NXPH2: variants seen among roughly 807,000 people sequenced by gnomAD.
NXPH2 encodes neurexophilin 2.
Under a neutral mutation model 19.8 loss-of-function variants are expected in NXPH2, and 5 were observed. The observed-to-expected ratio is 0.25, with a 90% CI of 0.13 to 0.53. NXPH2 has a LOEUF of 0.53. NXPH2 is among the 20% of genes least tolerant of loss of function. The pLI is 0.96. For synonymous variants in NXPH2, 154 were observed against 127.4 expected, an observed-to-expected ratio of 1.21 and a Z score of -1.41; for missense variants, 289 against 322.8, an observed-to-expected ratio of 0.90 and a Z score of 0.80.
intron 1 of NXPH2, among the ~76,000 whole-genome samples, chr2:138,688,003 G>A (rs997626120): frequency 6.6e-6 from 1 of 152,182 alleles, no homozygotes; most frequent in Middle Eastern, 3.2e-3. Flanking sequence ...TTTGGCTTAG[G>A]ATTGACTTGG....
intron 1 of NXPH2, among the ~76,000 whole-genome samples, chr2:138,699,645 G>T (rs6734922): frequency 0.25 from 37,442 of 151,948 alleles, 5,293 homozygotes; most frequent in East Asian, 0.53. Flanking sequence ...AGTGAGGGCA[G>T]GCCTTGCTGG....
rs150951009 is a variant in NXPH2 at position 138,714,121 on chromosome 2, T to C, written c.52-42456A>G. 3.8e-3 allele frequency among the ~76,000 whole-genome samples: 572 copies of C among 152,256 alleles called. 4 individuals are homozygous for C. The highest frequency in any genetic ancestry group is 0.013 in the African/African-American group (546 of 41,544). On this transcript the variant is annotated intron_variant, in intron 1 of 1. Coordinates refer to ENST00000272641, the MANE Select transcript of NXPH2 (RefSeq NM_007226.3). ...AAATAGCCCATTTGTATGGTTATTA[T>C]TGGTTATTTCAGTTCTCAAAATTCA... is the stretch of plus-strand genomic sequence containing the variant.
chr2:138,737,990 A>T (rs1237950413), intron 1 of NXPH2, among the ~76,000 whole-genome samples: 1 of 151,676 alleles, frequency 6.6e-6, no homozygotes, highest in Non-Finnish European at 1.5e-5. Flanking sequence ...ATATGTATAC[A>T]TGTGCCATGT....
At chr2:138,738,177 A>T (rs1278825370) in intron 1 of NXPH2, among the ~76,000 whole-genome samples, 2 of 151,562 alleles carry the variant, frequency 1.3e-5, no homozygotes, top group East Asian at 3.9e-4. Flanking sequence ...ACGTAGAAAC[A>T]GTCTAGTGTA....
At chr2:138,711,081 C>G (rs1204828405) in intron 1 of NXPH2, among the ~76,000 whole-genome samples, 5 of 151,280 alleles carry the variant, frequency 3.3e-5, no homozygotes, top group African/African-American at 4.9e-5. Flanking sequence ...AAAAATCTCA[C>G]CCAGAGGAGG....
chr2:138,698,854 T>C (rs1472215298), intron 1 of NXPH2, among the ~76,000 whole-genome samples: 1 of 152,106 alleles, frequency 6.6e-6, no homozygotes, highest in Non-Finnish European at 1.5e-5. Context: ...ATTGCATCTC[T>C]AAAGTAAATA....
At chr2:138,698,305 G>C (rs956432907) in intron 1 of NXPH2, among the ~76,000 whole-genome samples, 5 of 152,074 alleles carry the variant, frequency 3.3e-5, no homozygotes, top group African/African-American at 1.2e-4. Context: ...TTACGAAATT[G>C]TATATAAAGT....
At chr2:138,713,867 G>C (rs1681149434) in intron 1 of NXPH2, among the ~76,000 whole-genome samples, 1 of 151,806 alleles carries the variant, frequency 6.6e-6, no homozygotes, top group African/African-American at 2.4e-5. Context: ...CAATCCTCCA[G>C]ATACTGATTT....
intron 1 of NXPH2, among the ~76,000 whole-genome samples, chr2:138,723,827 C>T (rs138511900): frequency 4.6e-5 from 7 of 152,268 alleles, no homozygotes; most frequent in Non-Finnish European, 8.8e-5. Context: ...GCTTTTTGGC[C>T]TCCCCTAGCC....
intron 1 of NXPH2, among the ~76,000 whole-genome samples, chr2:138,758,663 T>C (rs1681952512): frequency 6.6e-6 from 1 of 152,210 alleles, no homozygotes; most frequent in South Asian, 2.1e-4. Flanking sequence ...ATTTGCAAAT[T>C]TCCAGCTCTC....
At chr2:138,708,025 A>G (rs1681043449) in intron 1 of NXPH2, among the ~76,000 whole-genome samples, 1 of 152,190 alleles carries the variant, frequency 6.6e-6, no homozygotes, top group Admixed American at 6.5e-5. Context: ...GATGGCAGTC[A>G]CAAATCTGAC....
At chr2:138,757,644 A>G (rs987699357) in intron 1 of NXPH2, among the ~76,000 whole-genome samples, 1 of 152,140 alleles carries the variant, frequency 6.6e-6, no homozygotes, top group Non-Finnish European at 1.5e-5. Context: ...CAGAGAAAAC[A>G]GGCTTACAGA....
At chr2:138,768,948 C>T (rs920147001) in intron 1 of NXPH2, among the ~76,000 whole-genome samples, 3 of 152,188 alleles carry the variant, frequency 2.0e-5, no homozygotes, top group Admixed American at 6.5e-5. Flanking sequence ...AAAACCTACG[C>T]TTTTCCCTCC....
In NXPH2 at chr2:138,671,560, T is replaced by C. The variant is rs1021293547; in HGVS notation, c.157A>G (p.Ile53Val). 2.5e-6 allele frequency: 4 copies of C among 1,613,892 alleles called. No individual in the cohort carries two copies. In the African/African-American group the frequency reaches 4.0e-5, roughly 16 times the overall value. Residue 53 changes from isoleucine (I) to valine (V), a missense_variant, in exon 2 of 2, where the codon ATC becomes GTC. Physicochemically the swap from Ile to Val is conservative, Grantham distance 29. Coordinates refer to ENST00000272641, the MANE Select transcript of NXPH2 (RefSeq NM_007226.3). ...LVGNVVHSRIISPLRLFVKQS... is the reference protein window; with the variant it reads ...LVGNVVHSRIVSPLRLFVKQS... ...TTAACAAACAGGCGCAGGGGACTGA[T>C]GATCCTTGAGTGCACCACGTTGCCG... is the stretch of plus-strand genomic sequence containing the variant.
At position 138,739,832 on chromosome 2, in the gene NXPH2, A is replaced by C. The variant is rs6721117; in HGVS notation, c.51+40359T>G. 2.5e-3 allele frequency among the ~76,000 whole-genome samples: 387 copies of C among 152,330 alleles called. 1 individual carries two copies. The highest frequency in any genetic ancestry group is 8.4e-3 in the African/African-American group (350 of 41,572). ...AAACAAAAAATAAACATAAGCAAGC[A>C]ACAAGATAGTGGCATTGTACAGAAT... On this transcript the variant is annotated intron_variant, in intron 1 of 1. Coordinates refer to ENST00000272641, the MANE Select transcript of NXPH2 (RefSeq NM_007226.3).
intron 1 of NXPH2, among the ~76,000 whole-genome samples, chr2:138,689,126 G>T (rs1280858708): frequency 6.6e-6 from 1 of 152,148 alleles, no homozygotes; most frequent in Admixed American, 6.5e-5. Flanking sequence ...TTTATGAATT[G>T]GAATGTACCC....
chr2:138,710,662 T>C (rs1558919226), intron 1 of NXPH2, among the ~76,000 whole-genome samples: 1 of 152,128 alleles, frequency 6.6e-6, no homozygotes, highest in African/African-American at 2.4e-5. Flanking sequence ...ATGAGATAAA[T>C]TTTACTATAA....
intron 1 of NXPH2, among the ~76,000 whole-genome samples, chr2:138,677,647 A>C: frequency 6.6e-6 from 1 of 152,182 alleles, no homozygotes; most frequent in East Asian, 1.9e-4. Flanking sequence ...TGATAATTAA[A>C]TGCATTTTTT....
At chr2:138,686,888 T>C (rs902127179) in intron 1 of NXPH2, among the ~76,000 whole-genome samples, 1 of 152,196 alleles carries the variant, frequency 6.6e-6, no homozygotes, top group African/African-American at 2.4e-5. Context: ...GAACTCATCC[T>C]TTTTTATGGC....
Sources: gnomAD v4.1 joint callset for allele counts (sites outside exome capture counted in the v4.1 genomes callset) on GRCh38, gnomAD v4.1.1 for gene constraint, MANE v1.5 for transcripts, NCBI Gene and HGNC (gene_info 2026-07-23, HGNC 2026-07-21) for gene names.